Variants in SLC44A5 observed in about 807,000 individuals in gnomAD.
The protein encoded by SLC44A5 is choline transporter-like protein 5.
Under a neutral mutation model 101.8 loss-of-function variants are expected in SLC44A5, and 57 were observed. The observed-to-expected ratio is 0.56, with a 90% confidence interval of 0.45 to 0.70. The LOEUF (loss-of-function observed/expected upper bound fraction) is 0.70, where lower values mean the gene tolerates loss of function less well. Among genes scored for constraint, SLC44A5 ranks in the 30% least tolerant of loss-of-function variants. SLC44A5 has a pLI of 0.00. For synonymous variants in SLC44A5, 281 were observed against 290.9 expected (o/e 0.97, Z 0.35); for missense variants, 737 against 853.1 (o/e 0.86, Z 1.70).
intron 1 of SLC44A5, among the ~76,000 whole-genome samples, chr1:75,585,480 A>C (rs1299910772): frequency 6.6e-6 from 1 of 152,240 alleles, no homozygotes; most frequent in African/African-American, 2.4e-5. Flanking sequence ...AGTGATTCTC[A>C]ATCACAGTAC....
At position 75,394,492 on chromosome 1, in the gene SLC44A5, A is replaced by AAT. The variant is rs1051605881; in HGVS notation, c.52+2090_52+2091insAT. The stretch of plus-strand genomic sequence containing the variant: ...ATATTTACATGTAGGCAAGAGAGAG[A>AAT]GGGGATAATTGCAAGAGCAAAGTCT... On this transcript the variant is annotated intron_variant, in intron 3 of 23. Coordinates refer to ENST00000370859, the MANE Select transcript of SLC44A5 (RefSeq NM_001130058.2). Among the ~76,000 whole-genome samples, 84 of 152,076 alleles carry AAT rather than the reference A, an allele frequency of 5.5e-4. 1 individual carries two copies. Among genetic ancestry groups the AAT allele is most frequent in the East Asian group, 3.7e-3 (19 of 5,156 alleles).
intron 1 of SLC44A5, among the ~76,000 whole-genome samples, chr1:75,563,683 C>T (rs1672639429): frequency 1.3e-5 from 2 of 151,992 alleles, no homozygotes; most frequent in South Asian, 2.1e-4. Context: ...AAGCCAAGAC[C>T]GTGGTCTTGG....
At chr1:75,493,261 G>A (rs930502220) in intron 2 of SLC44A5, among the ~76,000 whole-genome samples, 1 of 152,096 alleles carries the variant, frequency 6.6e-6, no homozygotes, top group Non-Finnish European at 1.5e-5. Flanking sequence ...GAATGCCAGA[G>A]AATTTCAAGC....
At chr1:75,352,859 T>C (rs1658789404) in intron 3 of SLC44A5, among the ~76,000 whole-genome samples, 1 of 152,222 alleles carries the variant, frequency 6.6e-6, no homozygotes, top group Admixed American at 6.6e-5. Context: ...TCTAACGTTT[T>C]TGAAAAGTAG....
At chr1:75,318,900 C>T (rs1370246624) in intron 4 of SLC44A5, among the ~76,000 whole-genome samples, 2 of 152,166 alleles carry the variant, frequency 1.3e-5, no homozygotes, top group African/African-American at 2.4e-5. Context: ...GTTAATCTAG[C>T]ATTCTTCATT....
chr1:75,302,122 T>TG (rs1553157960), intron 4 of SLC44A5, among the ~76,000 whole-genome samples: 3 of 139,294 alleles, frequency 2.2e-5, no homozygotes, highest in South Asian at 2.4e-4. Context: ...GTTTTTTTTT[T>TG]TTTTTTTTTT....
rs1484591085 is a variant in SLC44A5, at chr1:75,541,442, A to G, written c.6T>C (p.Asn2=). The G allele has an allele frequency of 1.9e-6, 3 of 1,610,268 alleles. No homozygotes were observed. Among genetic ancestry groups the G allele is most frequent in the African/African-American group, 1.3e-5 (1 of 74,858 alleles). M[N]DTEKPADTPS... ...ATTCAAGTAGGTGATTACCTGTGTC[A>G]TTCATTGAGATAAAAGGCTGTCTCT... is the stretch of plus-strand genomic sequence containing the variant. The change falls in exon 2 of 24, where the codon AAT becomes AAC. Residue 2 remains asparagine (N), a synonymous_variant. Coordinates refer to ENST00000370859, the MANE Select transcript of SLC44A5 (RefSeq NM_001130058.2).
At chr1:75,300,055 G>A (rs950521378) in intron 5 of SLC44A5, among the ~76,000 whole-genome samples, 55 of 141,486 alleles carry the variant, frequency 3.9e-4, no homozygotes, top group African/African-American at 1.6e-3. Flanking sequence ...CAAATAAAGA[G>A]TCTCCATACT....
the SLC44A5 span, among the ~76,000 whole-genome samples, chr1:75,707,038 AT>A: frequency 6.6e-6 from 1 of 152,228 alleles, no homozygotes; most frequent in East Asian, 1.9e-4. Flanking sequence ...ATACTTACAA[AT>A]TTTGGTGAGA....
chr1:75,513,959 A>T (rs1669694053), intron 2 of SLC44A5, among the ~76,000 whole-genome samples: 1 of 152,152 alleles, frequency 6.6e-6, no homozygotes, highest in Non-Finnish European at 1.5e-5. Context: ...CAGCCTCCCA[A>T]GTAGCTAGTA....
At chr1:75,612,821 G>A (rs953837992), upstream of SLC44A5, among the ~76,000 whole-genome samples, 4 of 152,098 alleles carry the variant, frequency 2.6e-5, no homozygotes, top group Non-Finnish European at 5.9e-5. Flanking sequence ...AAAAGGCAGG[G>A]GTGGGGGTGG....
At chr1:75,297,666 A>C (rs1055072525) in intron 5 of SLC44A5, among the ~76,000 whole-genome samples, 14 of 152,240 alleles carry the variant, frequency 9.2e-5, no homozygotes, top group Admixed American at 8.5e-4. Context: ...AGGAAAGAAT[A>C]ATTTGCATAA....
chr1:75,462,557 G>C (rs1175605183), intron 2 of SLC44A5, among the ~76,000 whole-genome samples: 1 of 152,104 alleles, frequency 6.6e-6, no homozygotes, highest in Non-Finnish European at 1.5e-5. Flanking sequence ...TCAGGGACCA[G>C]TCCTGGAGAA....
chr1:75,320,098 A>G (rs540069904), intron 4 of SLC44A5, among the ~76,000 whole-genome samples: 1 of 152,276 alleles, frequency 6.6e-6, no homozygotes, highest in South Asian at 2.1e-4. Context: ...CATAATTCAA[A>G]TATTCTGGGA....
At chr1:75,317,514 A>G (rs148343552) in intron 4 of SLC44A5, among the ~76,000 whole-genome samples, 15 of 152,344 alleles carry the variant, frequency 9.8e-5, no homozygotes, top group African/African-American at 3.4e-4. Flanking sequence ...TTCACACACA[A>G]TTAAAGACAG....
chr1:75,228,753 GTTC>G (rs976607906), intron 12 of SLC44A5, among the ~76,000 whole-genome samples: 15 of 151,126 alleles, frequency 9.9e-5, no homozygotes, highest in African/African-American at 3.4e-4. Flanking sequence ...TTGAAAATCT[GTTC>G]TTTTTTTAAT....
chr1:75,700,849 C>G, the SLC44A5 span, among the ~76,000 whole-genome samples: 1 of 152,152 alleles, frequency 6.6e-6, no homozygotes, highest in Admixed American at 6.5e-5. Flanking sequence ...CACAGAAATA[C>G]AAACTACCAT....
intron 2 of SLC44A5, among the ~76,000 whole-genome samples, chr1:75,459,424 T>C (rs1249981202): frequency 6.6e-6 from 1 of 152,184 alleles, no homozygotes; most frequent in Non-Finnish European, 1.5e-5. Flanking sequence ...CATCAACATA[T>C]AAAGCACTTT....
chr1:75,276,608 G>C (rs1185577579), intron 5 of SLC44A5, among the ~76,000 whole-genome samples: 1 of 152,062 alleles, frequency 6.6e-6, no homozygotes, highest in East Asian at 1.9e-4. Flanking sequence ...AGAATGTTGA[G>C]AATATAAAAG....
Sources: allele counts gnomAD v4.1 joint callset (sites outside exome capture counted in the v4.1 genomes callset), GRCh38; gene constraint gnomAD v4.1.1; transcripts MANE v1.5; gene names NCBI Gene and HGNC (gene_info 2026-07-23, HGNC 2026-07-21).